Variants in TRPC7 observed in about 807,000 individuals in gnomAD.
TRPC7 encodes the protein transient receptor potential cation channel subfamily C member 7.
Under a neutral mutation model 90.1 loss-of-function variants are expected in TRPC7, and 42 were observed. That is an observed-to-expected ratio of 0.47 (90% CI 0.36 to 0.60). The LOEUF (loss-of-function observed/expected upper bound fraction) is 0.60, where lower values mean the gene tolerates loss of function less well. Among genes scored for constraint, TRPC7 ranks in the 20% least tolerant of loss-of-function variants. The pLI, the probability that TRPC7 is intolerant of heterozygous loss-of-function variation, is 0.00. For synonymous variants in TRPC7, 451 were observed against 436.3 expected (o/e 1.03, Z -0.42); for missense variants, 955 against 1,112.3 (o/e 0.86, Z 2.01).
At chr5:136,221,226 A>G (rs1184215605) in intron 10 of TRPC7, among the ~76,000 whole-genome samples, 3 of 152,104 alleles carry the variant, frequency 2.0e-5, no homozygotes, top group Non-Finnish European at 4.4e-5. Flanking sequence ...CCAAGTTACT[A>G]TGTCCCTGGT....
chr5:136,359,156 T>C lies in TRPC7; in HGVS notation c.3-1771A>G, dbSNP rs931729622. 5.9e-5 allele frequency among the ~76,000 whole-genome samples: 9 copies of C among 152,340 alleles called. No homozygotes were observed. The East Asian group carries it at 1.7e-3, about 29-fold the overall frequency. On this transcript the variant is annotated intron_variant, in intron 1 of 11. Transcript: ENST00000513104. ...GGACTCCATTTAGTTTTCTGCTCAT[T>C]GTACCTTTCGACCTGCTCAAACCTT...
intron 2 of TRPC7, among the ~76,000 whole-genome samples, chr5:136,334,128 A>G (rs1052091024): frequency 3.3e-5 from 5 of 152,180 alleles, no homozygotes. Context: ...CTAATTTTAT[A>G]CTGTGAAAAC....
At chr5:136,337,429 A>G (rs1759703367) in intron 2 of TRPC7, among the ~76,000 whole-genome samples, 1 of 152,200 alleles carries the variant, frequency 6.6e-6, no homozygotes, top group African/African-American at 2.4e-5. Context: ...GCACTTTGGG[A>G]AGCCAAGGTG....
chr5:136,323,348 G>A (rs1230261342), intron 2 of TRPC7, among the ~76,000 whole-genome samples: 2 of 152,122 alleles, frequency 1.3e-5, no homozygotes, highest in Non-Finnish European at 2.9e-5. Context: ...CTACTACAAA[G>A]TCCAATCTAT....
chr5:136,281,548 C>T (rs1204359848), intron 3 of TRPC7, among the ~76,000 whole-genome samples: 1 of 152,172 alleles, frequency 6.6e-6, no homozygotes, highest in African/African-American at 2.4e-5. Flanking sequence ...GATAATGTTA[C>T]CAAGTTGGTT....
intron 7 of TRPC7, among the ~76,000 whole-genome samples, chr5:136,242,484 G>T (rs966360334): frequency 6.6e-6 from 1 of 152,104 alleles, no homozygotes; most frequent in Admixed American, 6.5e-5. Context: ...GAAAAATTGG[G>T]AACTATTAAT....
intron 2 of TRPC7, among the ~76,000 whole-genome samples, chr5:136,317,184 G>T (rs1324374902): frequency 6.6e-6 from 1 of 152,052 alleles, no homozygotes; most frequent in Admixed American, 6.5e-5. Flanking sequence ...ATGACCTCTC[G>T]GCTCAGGCGT....
chr5:136,357,937 A>G (rs1256260385), intron 1 of TRPC7, among the ~76,000 whole-genome samples: 1 of 152,220 alleles, frequency 6.6e-6, no homozygotes, highest in East Asian at 1.9e-4. Context: ...GCTGTGCCAT[A>G]GAGTTGGCCA....
At position 136,225,314 on chromosome 5, in the gene TRPC7, A is replaced by C; in HGVS notation, c.2303T>G (p.Leu768Arg). Residue 768 changes from leucine (L) to arginine (R), a missense_variant, in exon 10 of 12, where the codon CTG becomes CGG. By Grantham distance (102) the Leu-to-Arg change is moderately radical (BLOSUM62 -2). This residue lies in a region of TRPC7 where 296 missense variants were observed against 422.7 expected (regional missense o/e 0.70). Coordinates refer to ENST00000513104, the MANE Select transcript of TRPC7 (RefSeq NM_020389.3). ...YQAGMRNSENLTANNTLSKPT... is the reference protein window; with the variant it reads ...YQAGMRNSENRTANNTLSKPT... ...CTTGCTCAAAGTGTTATTTGCTGTC[A>C]GATTTTCAGAATTCCTCATGCCAGC... 1.2e-6 allele frequency: 2 copies of C among 1,613,362 alleles called. No individual in the cohort carries two copies. Among genetic ancestry groups the C allele is most frequent in the Non-Finnish European group, 1.7e-6 (2 of 1,179,758 alleles).
In TRPC7 at chr5:136,357,149, T is replaced by C; in HGVS notation, c.239A>G (p.Asn80Ser). The change falls in exon 2 of 12, where the codon AAC becomes AGC. Residue 80 changes from asparagine (N) to serine (S), a missense_variant. Physicochemically the swap from Asn to Ser is conservative, Grantham distance 46. Transcript: ENST00000513104. ...GTTGCCCACGGCCAGCTGCAGAGCG[T>C]TCTGCCCCATGTAGTCCACACAGTT... ...NFNCVDYMGQ[N>S]ALQLAVGNEH... 1 of 1,614,144 alleles carries C rather than the reference T, an allele frequency of 6.2e-7. No individual in the cohort carries two copies. Among genetic ancestry groups the C allele is most frequent in the Non-Finnish European group, 8.5e-7 (1 of 1,180,024 alleles).
chr5:136,307,283 C>T (rs1158100712), intron 3 of TRPC7, among the ~76,000 whole-genome samples: 1 of 152,072 alleles, frequency 6.6e-6, no homozygotes, highest in Non-Finnish European at 1.5e-5. Flanking sequence ...TGACAACTCC[C>T]CATTCCCTCC....
intron 2 of TRPC7, among the ~76,000 whole-genome samples, chr5:136,355,716 T>C (rs1403138786): frequency 6.6e-6 from 1 of 152,168 alleles, no homozygotes; most frequent in East Asian, 1.9e-4. Context: ...GAGAATGGCA[T>C]GAACCCAGGA....
At chr5:136,294,732 G>T (rs1758100626) in intron 3 of TRPC7, among the ~76,000 whole-genome samples, 2 of 152,230 alleles carry the variant, frequency 1.3e-5, no homozygotes, top group Non-Finnish European at 1.5e-5. Flanking sequence ...AGTCGGCATG[G>T]TGATTCCTCA....
chr5:136,214,711 C>A (rs1167176444), intron 11 of TRPC7, among the ~76,000 whole-genome samples: 2 of 152,180 alleles, frequency 1.3e-5, no homozygotes, highest in Non-Finnish European at 2.9e-5. Context: ...AGCTCAGGGG[C>A]AGTTCAGTTA....
chr5:136,343,933 T>C (rs760367529), intron 2 of TRPC7, among the ~76,000 whole-genome samples: 9 of 152,210 alleles, frequency 5.9e-5, no homozygotes, highest in Non-Finnish European at 1.0e-4. Flanking sequence ...ATTGTGTATA[T>C]ACCCAAAGGA....
chr5:136,238,813 T>G (rs1182135916), intron 7 of TRPC7, among the ~76,000 whole-genome samples: 1 of 152,110 alleles, frequency 6.6e-6, no homozygotes, highest in Non-Finnish European at 1.5e-5. Context: ...AGGTCACAAA[T>G]AAACATGAGA....
chr5:136,245,861 C>T lies in TRPC7; in HGVS notation c.1844+1610G>A, dbSNP rs114252336. ...GGAAACCTTATTTTCATTTTATAGACGAGGACACAGAGGCTCAGATAAATC... is the reference window on the plus strand; with the variant it reads ...GGAAACCTTATTTTCATTTTATAGATGAGGACACAGAGGCTCAGATAAATC... On this transcript the variant is annotated intron_variant, in intron 7 of 11. Coordinates refer to ENST00000513104, the MANE Select transcript of TRPC7 (RefSeq NM_020389.3). 4.8e-3 allele frequency among the ~76,000 whole-genome samples: 737 copies of T among 152,212 alleles called. 6 individuals are homozygous for T. Among genetic ancestry groups the T allele is most frequent in the African/African-American group, 0.017 (699 of 41,520 alleles).
intron 2 of TRPC7, among the ~76,000 whole-genome samples, chr5:136,354,104 C>T (rs898937780): frequency 2.0e-5 from 3 of 152,088 alleles, no homozygotes; most frequent in African/African-American, 4.8e-5. Flanking sequence ...TTTTAAAAAA[C>T]TTTTTGGCTT....
At chr5:136,256,026 A>G (rs1270822117) in intron 5 of TRPC7, among the ~76,000 whole-genome samples, 2 of 152,232 alleles carry the variant, frequency 1.3e-5, no homozygotes, top group East Asian at 1.9e-4. Flanking sequence ...TTGTGGAACA[A>G]TGCTACACTT....
Sources: gnomAD v4.1 joint callset for allele counts (sites outside exome capture counted in the v4.1 genomes callset) on GRCh38, gnomAD v4.1.1 for gene constraint, gnomAD v4.1.1 regional missense constraint, MANE v1.5 for transcripts, NCBI Gene and HGNC (gene_info 2026-07-23, HGNC 2026-07-21) for gene names.